The following MTUS2 variants were observed in gnomAD, a reference collection of about 807,000 sequenced individuals.
MTUS2 encodes the protein microtubule-associated tumor suppressor candidate 2.
Under a neutral mutation model 114.1 loss-of-function variants are expected in MTUS2, and 40 were observed. The ratio of observed to expected loss-of-function variants is 0.35; its 90% CI spans 0.27 to 0.46. MTUS2 has a LOEUF of 0.46. Ranked by LOEUF, MTUS2 falls within the 20% of genes least tolerant of loss-of-function variation. MTUS2 has a pLI of 1.00. For synonymous variants in MTUS2, 688 were observed against 672.0 expected (o/e 1.02, Z -0.37); for missense variants, 1,679 against 1,705.4 (o/e 0.98, Z 0.27).
At chr13:29,266,627 C>T (rs1025195520) in intron 5 of MTUS2, among the ~76,000 whole-genome samples, 3 of 152,134 alleles carry the variant, frequency 2.0e-5, no homozygotes, top group African/African-American at 7.2e-5. Context: ...TATAGATCAT[C>T]CCTAACTTTT....
intron 2 of MTUS2, among the ~76,000 whole-genome samples, chr13:28,878,705 C>G (rs1392447997): frequency 1.3e-5 from 2 of 152,156 alleles, no homozygotes; most frequent in Non-Finnish European, 2.9e-5. Context: ...TGTATATGTA[C>G]CACGTTTTCT....
At chr13:29,332,020 C>CT (rs1221517395) in intron 7 of MTUS2, among the ~76,000 whole-genome samples, 11 of 152,106 alleles carry the variant, frequency 7.2e-5, no homozygotes, top group African/African-American at 2.7e-4. Context: ...CTGAAATTTT[C>CT]TTTTTTTGTT....
chr13:29,404,193 G>A (rs367992397), intron 8 of MTUS2, among the ~76,000 whole-genome samples: 79 of 97,690 alleles, frequency 8.1e-4, no homozygotes, highest in African/African-American at 3.4e-3. Flanking sequence ...AAAAAAAAAA[G>A]TACAAAAATT....
intron 2 of MTUS2, among the ~76,000 whole-genome samples, chr13:28,850,578 A>G (rs1876201843): frequency 6.6e-6 from 1 of 152,204 alleles, no homozygotes; most frequent in Non-Finnish European, 1.5e-5. Context: ...TAAAAACATA[A>G]ATTGCCCAGA....
At chr13:29,389,398 TA>T (rs1872962993) in intron 8 of MTUS2, among the ~76,000 whole-genome samples, 5 of 17,412 alleles carry the variant, frequency 2.9e-4, no homozygotes, top group Non-Finnish European at 6.3e-4. Context: ...CGTGTGTGTA[TA>T]TATGTATACA....
intron 2 of MTUS2, among the ~76,000 whole-genome samples, chr13:28,846,128 G>T (rs1310788350): frequency 1.3e-5 from 2 of 151,602 alleles, no homozygotes; most frequent in Non-Finnish European, 2.9e-5. Flanking sequence ...AAGTAGAGCT[G>T]CTTGAGTTAT....
At chr13:29,219,439 G>T (rs1377053283) in intron 5 of MTUS2, among the ~76,000 whole-genome samples, 1 of 151,856 alleles carries the variant, frequency 6.6e-6, no homozygotes, top group Non-Finnish European at 1.5e-5. Flanking sequence ...ACATACGTGT[G>T]CATGTGTGTT....
At chr13:29,473,193 T>C (rs1169997386) in intron 9 of MTUS2, among the ~76,000 whole-genome samples, 1 of 152,120 alleles carries the variant, frequency 6.6e-6, no homozygotes, top group Admixed American at 6.5e-5. Flanking sequence ...GGTTCATCAT[T>C]TATTTTATAG....
chr13:29,119,353 CA>C (rs200781577), intron 5 of MTUS2, among the ~76,000 whole-genome samples: 17 of 148,724 alleles, frequency 1.1e-4, no homozygotes, highest in South Asian at 2.1e-4. Context: ...CACTGCATAA[CA>C]AAAAAAAATG....
chr13:29,450,915 C>T (rs1227765414), intron 9 of MTUS2, among the ~76,000 whole-genome samples: 1 of 152,078 alleles, frequency 6.6e-6, no homozygotes, highest in Non-Finnish European at 1.5e-5. Context: ...TACCTACATA[C>T]CGAACAATAG....
chr13:28,854,353 C>T (rs995441841), intron 2 of MTUS2, among the ~76,000 whole-genome samples: 30 of 152,310 alleles, frequency 2.0e-4, no homozygotes, highest in Non-Finnish European at 4.0e-4. Flanking sequence ...ATGTTGCTTA[C>T]AAACTTGGCC....
chr13:29,355,958 G>T, intron 7 of MTUS2, among the ~76,000 whole-genome samples: 1 of 152,084 alleles, frequency 6.6e-6, no homozygotes, highest in Admixed American at 6.5e-5. Flanking sequence ...AGTTCAGCTG[G>T]GTGGAAATCA....
chr13:29,312,047 A>G (rs1899790954), intron 6 of MTUS2, among the ~76,000 whole-genome samples: 1 of 152,052 alleles, frequency 6.6e-6, no homozygotes, highest in Non-Finnish European at 1.5e-5. Context: ...CACTGCCCCC[A>G]CATCCCTCCA....
chr13:28,960,067 A>G (rs1241523192), intron 2 of MTUS2, among the ~76,000 whole-genome samples: 1 of 152,256 alleles, frequency 6.6e-6, no homozygotes, highest in Non-Finnish European at 1.5e-5. Flanking sequence ...TGAGGTGACA[A>G]GTGTTAGAAC....
intron 4 of MTUS2, among the ~76,000 whole-genome samples, chr13:29,059,227 G>GGTT (rs1593432285): frequency 1.4e-5 from 1 of 71,368 alleles, no homozygotes; most frequent in African/African-American, 4.9e-5. Context: ...CTATTCTTTG[G>GGTT]ATTTTTTTTT....
chr13:29,461,116 G>A (rs1410641599), intron 9 of MTUS2, among the ~76,000 whole-genome samples: 1 of 152,056 alleles, frequency 6.6e-6, no homozygotes, highest in East Asian at 1.9e-4. Context: ...TTCTGGTAAG[G>A]GCCAACTTGC....
intron 5 of MTUS2, among the ~76,000 whole-genome samples, chr13:29,175,461 G>A (rs1270719696): frequency 6.6e-6 from 1 of 152,166 alleles, no homozygotes; most frequent in African/African-American, 2.4e-5. Flanking sequence ...TTAGACAACG[G>A]GTGTTCTCCA....
chr13:29,077,419 A>G (rs553755245), intron 4 of MTUS2, among the ~76,000 whole-genome samples: 4 of 152,354 alleles, frequency 2.6e-5, no homozygotes, highest in East Asian at 3.9e-4. Context: ...AGCCCAAACA[A>G]TATATTGCCC....
chr13:29,443,592 C>T (rs1878059871), intron 9 of MTUS2, among the ~76,000 whole-genome samples: 1 of 152,256 alleles, frequency 6.6e-6, no homozygotes, highest in African/African-American at 2.4e-5. Context: ...CTGGCACACA[C>T]TTCAGCAGCA....
Sources: gnomAD v4.1 joint callset for allele counts (sites outside exome capture counted in the v4.1 genomes callset) on GRCh38, gnomAD v4.1.1 for gene constraint, MANE v1.5 for transcripts, NCBI Gene and HGNC (gene_info 2026-07-23, HGNC 2026-07-21) for gene names.